The following HDX variants were observed in gnomAD, a reference collection of about 807,000 sequenced individuals.
HDX encodes the protein highly divergent homeobox.
In HDX, 19 loss-of-function variants were observed where a neutral mutation model predicts 45.2. The observed-to-expected ratio is 0.42, with a 90% confidence interval of 0.29 to 0.62. The LOEUF (loss-of-function observed/expected upper bound fraction) is 0.62. Among genes scored for constraint, HDX ranks in the 20% least tolerant of loss-of-function variants. The pLI is 0.20. For synonymous variants in HDX, 188 were observed against 172.8 expected (o/e 1.09, Z -0.69); for missense variants, 532 against 493.9 (o/e 1.08, Z -0.73).
chrX:84,420,088 C>A (rs1484517183), intron 5 of HDX, among the ~76,000 whole-genome samples: 1 of 111,576 alleles, frequency 9.0e-6, no homozygotes, highest in Non-Finnish European at 1.9e-5. Flanking sequence ...TCATCAATTC[C>A]CAGACACTGA....
At chrX:84,494,249 G>A (rs748789158) in intron 1 of HDX, among the ~76,000 whole-genome samples, 18 of 111,612 alleles carry the variant, frequency 1.6e-4, no homozygotes, top group South Asian at 1.1e-3. Context: ...ATTCATATTC[G>A]TTGAGTAAAT....
intron 6 of HDX, among the ~76,000 whole-genome samples, chrX:84,351,051 CT>C (rs1206382533): frequency 9.2e-6 from 1 of 108,644 alleles, no homozygotes. Flanking sequence ...ATCTATCTAT[CT>C]ATCATCTATC....
chrX:84,338,096 G>T (rs1326805195), intron 7 of HDX, among the ~76,000 whole-genome samples: 1 of 111,070 alleles, frequency 9.0e-6, no homozygotes, highest in East Asian at 2.8e-4. Context: ...ATATTTATCA[G>T]CCCTCACGAA....
chrX:84,348,060 T>C (rs1056118794), intron 6 of HDX, among the ~76,000 whole-genome samples: 2 of 111,568 alleles, frequency 1.8e-5, no homozygotes, highest in African/African-American at 6.5e-5. Context: ...TCTGTTCTAT[T>C]TTCCCTTTTT....
intron 2 of HDX, among the ~76,000 whole-genome samples, chrX:84,482,388 T>C (rs1354280701): frequency 9.0e-6 from 1 of 111,571 alleles, no homozygotes; most frequent in Non-Finnish European, 1.9e-5. Flanking sequence ...GACTAACAGT[T>C]CTGCATGGCT....
At chrX:84,372,280 AT>A (rs1431685374) in intron 5 of HDX, among the ~76,000 whole-genome samples, 5 of 111,722 alleles carry the variant, frequency 4.5e-5, no homozygotes, top group Admixed American at 9.6e-5. Flanking sequence ...AATATTAAGT[AT>A]TTTTTTGGCA....
intron 4 of HDX, among the ~76,000 whole-genome samples, chrX:84,450,818 C>G (rs1255763088): frequency 8.9e-6 from 1 of 112,029 alleles, no homozygotes; most frequent in Non-Finnish European, 1.9e-5. Context: ...TCAACAACCA[C>G]TTTTTTAAAT....
intron 4 of HDX, among the ~76,000 whole-genome samples, chrX:84,445,164 A>G (rs752546129): frequency 3.4e-4 from 38 of 112,106 alleles, no homozygotes; most frequent in Non-Finnish European, 6.2e-4. Flanking sequence ...TCTGAGACCA[A>G]CTTATGAGGC....
chrX:84,420,547 GAGAA>G (rs1266696419), intron 5 of HDX, among the ~76,000 whole-genome samples: 1 of 112,051 alleles, frequency 8.9e-6, no homozygotes, highest in East Asian at 2.8e-4. Context: ...AGAGAAAGTA[GAGAA>G]AGAGATAGGA....
At position 84,319,963 on chromosome X, in the gene HDX, G is replaced by T. The variant is rs919023445; in HGVS notation, c.*1926C>A. On this transcript the variant is annotated 3_prime_UTR_variant, in exon 11 of 11. Coordinates refer to ENST00000373177, the MANE Select transcript of HDX (RefSeq NM_001177479.2). ...GAGAGAATATACCTATAGTTAATTT[G>T]CAATGAGAACCAAATAAGAAGGGGC... The T allele has an allele frequency of 9.0e-6, 1 of 110,804 alleles. No individual in the cohort carries two copies. Among genetic ancestry groups the T allele is most frequent in the Non-Finnish European group, 1.9e-5 (1 of 52,450 alleles). The allele number at this position is 110,804 out of a possible 1,213,427, so 9.1% of individuals were successfully genotyped here. A position where few individuals can be genotyped will look rare whatever the true frequency, so the allele number is the denominator to read the frequency against.
rs775066527 is a variant in HDX, at chrX:84,344,296, G to A, written c.1614C>T (p.Asp538=). 37 of 1,206,517 alleles carry A rather than the reference G, an allele frequency of 3.1e-5. No individual in the cohort carries two copies. The highest frequency in any genetic ancestry group is 4.0e-5 in the Non-Finnish European group (36 of 892,611). The stretch of plus-strand genomic sequence containing the variant: ...AACAGATGGATACTTCATCATTTCT[G>A]TCATTATCCTCTCCTACTTCAGGCC... ...EAGPEVGEDN[D]RNDEVSICLS... The change falls in exon 7 of 11, where the codon GAC becomes GAT. Residue 538 remains aspartate, a synonymous_variant. Coordinates refer to ENST00000373177, the MANE Select transcript of HDX (RefSeq NM_001177479.2).
chrX:84,497,267 C>T (rs994638792), intron 1 of HDX, among the ~76,000 whole-genome samples: 2 of 111,552 alleles, frequency 1.8e-5, no homozygotes, highest in East Asian at 2.8e-4. Context: ...AACAAATTTT[C>T]GGTCTATGAA....
chrX:84,463,989 A>G (rs896268935), intron 4 of HDX, among the ~76,000 whole-genome samples: 1 of 111,632 alleles, frequency 9.0e-6, no homozygotes, highest in Non-Finnish European at 1.9e-5. Flanking sequence ...GTTTGATACT[A>G]TACTATCCTC....
chrX:84,442,082 A>G (rs1319302235), intron 4 of HDX, among the ~76,000 whole-genome samples: 1 of 111,085 alleles, frequency 9.0e-6, no homozygotes, highest in Non-Finnish European at 1.9e-5. Context: ...TCTGGACTTA[A>G]CTATGCTTTA....
At chrX:84,408,837 G>T (rs1160709788) in intron 5 of HDX, among the ~76,000 whole-genome samples, 4 of 109,877 alleles carry the variant, frequency 3.6e-5, no homozygotes, top group African/African-American at 1.3e-4. Flanking sequence ...TGTGAATGGA[G>T]TTGCATTCTT....
intron 4 of HDX, among the ~76,000 whole-genome samples, chrX:84,459,421 G>A (rs1602496225): frequency 1.9e-5 from 2 of 107,227 alleles, no homozygotes; most frequent in Non-Finnish European, 3.8e-5. Context: ...CAGCCTGGGC[G>A]ACAGAGCGAG....
chrX:84,389,219 C>T (rs1472919896), intron 5 of HDX, among the ~76,000 whole-genome samples: 1 of 111,963 alleles, frequency 8.9e-6, no homozygotes, highest in Non-Finnish European at 1.9e-5. Flanking sequence ...GGAGAGACGG[C>T]ACCCTCACCA....
chrX:84,472,997 G>A (rs1408100396), intron 3 of HDX, among the ~76,000 whole-genome samples: 12 of 101,555 alleles, frequency 1.2e-4, no homozygotes, highest in Non-Finnish European at 2.0e-5. Context: ...AGAATTTGGG[G>A]TTAGGAACTA....
At chrX:84,473,353 G>C (rs750202996) in intron 3 of HDX, among the ~76,000 whole-genome samples, 2 of 64,427 alleles carry the variant, frequency 3.1e-5, no homozygotes, top group East Asian at 6.2e-4. Flanking sequence ...TATCTGGGGA[G>C]GGGGGTGGGG....
Sources: gnomAD v4.1 joint callset for allele counts (sites outside exome capture counted in the v4.1 genomes callset) on GRCh38, gnomAD v4.1.1 for gene constraint, MANE v1.5 for transcripts, NCBI Gene and HGNC (gene_info 2026-07-23, HGNC 2026-07-21) for gene names.